The following ATP11A variants were observed in gnomAD, a reference collection of about 807,000 sequenced individuals.
ATP11A encodes ATPase phospholipid transporting 11A, also known as phospholipid-transporting ATPase IH.
In ATP11A, 81 loss-of-function variants were observed where a neutral mutation model predicts 154.4. That is an observed-to-expected ratio of 0.52 (90% CI 0.44 to 0.63). The LOEUF is 0.63. ATP11A is among the 30% of genes least tolerant of loss of function. The probability of loss-of-function intolerance (pLI) is 0.00; values close to 1 mark genes in which losing one functional copy is unlikely to be tolerated. For missense variants in ATP11A, 1,316 were observed against 1,474.3 expected (o/e 0.89, Z 1.76); for synonymous variants, 623 against 585.9 (o/e 1.06, Z -0.91).
rs1233055752 is a variant in ATP11A at position 112,881,282 on chromosome 13, C to T, written c.*10-594C>T. On this transcript the variant is annotated intron_variant, in intron 29 of 29. Transcript: ENST00000375645. ...CACATCCGGGGCCCCAGTGGGCTGT[C>T]AGAAGCCATGCAGGCCCCATCCGTA... 3 of 993,842 alleles carry T rather than the reference C, an allele frequency of 3.0e-6. No individual in the cohort carries two copies. In the East Asian group the frequency reaches 3.3e-4, roughly 109 times the overall value. The allele number at this position is 993,842 out of a possible 1,614,324, so 61.6% of individuals were successfully genotyped here.
chr13:112,690,516 C>A lies in ATP11A; in HGVS notation c.39+61C>A. On this transcript the variant is annotated intron_variant, in intron 1 of 29. Coordinates refer to ENST00000375645, the MANE Select transcript of ATP11A (RefSeq NM_015205.3). The surrounding 1 kb of genome is among the most constrained non-coding windows in gnomAD (Gnocchi z 5.6). ...ACCAGACAGACGCGGGCCGGCCCCG[C>A]AGCCCGGACCCTGTGGCCGGTCCAG... 7.9e-7 allele frequency: 1 copy of A among 1,261,720 alleles called. No homozygotes were observed. Among genetic ancestry groups the A allele is most frequent in the South Asian group, 2.9e-5 (1 of 34,688 alleles). The allele number at this position is 1,261,720 out of a possible 1,614,324, so 78.2% of individuals were successfully genotyped here.
At chr13:112,881,647 G>C in intron 29 of ATP11A, 2 of 1,197,280 alleles carry the variant, frequency 1.7e-6, no homozygotes, top group Non-Finnish European at 2.1e-6. Flanking sequence ...CTTCTCTGGT[G>C]GGGTGGATCC....
At chr13:112,701,592 G>A (rs1351130133) in intron 1 of ATP11A, among the ~76,000 whole-genome samples, 2 of 152,156 alleles carry the variant, frequency 1.3e-5, no homozygotes, top group African/African-American at 4.8e-5. Context: ...CAGCACTTTG[G>A]GAGGCCGAGG....
In ATP11A at chr13:112,873,600, T is replaced by C. The variant is rs776846461; in HGVS notation, c.3085T>C (p.Trp1029Arg). The change falls in exon 27 of 30, where the codon TGG becomes CGG. Residue 1029 changes from tryptophan to arginine, a missense_variant. Trp to Arg is a moderately radical substitution (Grantham distance 101). This residue lies in a region of ATP11A where 294 missense variants were observed against 290.2 expected (regional missense o/e 1.01). Coordinates refer to ENST00000375645, the MANE Select transcript of ATP11A (RefSeq NM_015205.3). ...TGCATTGGACACACACTACTGGACT[T>C]GGATCAACCATTTTGTCATCTGGGG... ...KLALDTHYWTWINHFVIWGSL... is the reference protein window; with the variant it reads ...KLALDTHYWTRINHFVIWGSL... 13 of 1,612,668 alleles carry C rather than the reference T, an allele frequency of 8.1e-6. No homozygotes were observed. The Admixed American group carries it at 2.2e-4, about 27-fold the overall frequency.
At chr13:112,821,345 C>T (rs1016897654) in intron 8 of ATP11A, among the ~76,000 whole-genome samples, 3 of 152,124 alleles carry the variant, frequency 2.0e-5, no homozygotes, top group Admixed American at 6.5e-5. Flanking sequence ...GACAGAGTCT[C>T]GCTCTGTCAC....
chr13:112,792,541 T>C lies in ATP11A; in HGVS notation c.162+7284T>C, dbSNP rs559507985. ...AATCAAAGGATGAAAGCCTTTGTCA[T>C]GGAAGAAGTCGTAATAGAGGATGAA... On this transcript the variant is annotated intron_variant, in intron 2 of 29. Coordinates refer to ENST00000375645, the MANE Select transcript of ATP11A (RefSeq NM_015205.3). Among the ~76,000 whole-genome samples, 28 of 152,350 alleles carry C rather than the reference T, an allele frequency of 1.8e-4. 1 individual carries two copies. Among genetic ancestry groups the C allele is most frequent in the African/African-American group, 6.5e-4 (27 of 41,584 alleles).
intron 1 of ATP11A, among the ~76,000 whole-genome samples, chr13:112,694,765 A>G (rs1484266072): frequency 6.6e-6 from 1 of 152,150 alleles, no homozygotes; most frequent in East Asian, 1.9e-4. Flanking sequence ...TTAACATTCT[A>G]AGATAGAAAA....
At chr13:112,771,714 C>T (rs1347641749) in intron 1 of ATP11A, among the ~76,000 whole-genome samples, 1 of 152,238 alleles carries the variant, frequency 6.6e-6, no homozygotes, top group African/African-American at 2.4e-5. Context: ...CTTCCCGTCA[C>T]TCGGGTAGTC....
At chr13:112,718,021 A>G (rs1888682431) in intron 1 of ATP11A, among the ~76,000 whole-genome samples, 1 of 152,240 alleles carries the variant, frequency 6.6e-6, no homozygotes, top group African/African-American at 2.4e-5. Context: ...GGTTGCAGTG[A>G]GCCAAGATTG....
intron 12 of ATP11A, among the ~76,000 whole-genome samples, chr13:112,828,378 A>T (rs1462790448): frequency 7.4e-6 from 1 of 135,118 alleles, no homozygotes; most frequent in African/African-American, 2.9e-5. Context: ...TAGGAGGGAA[A>T]GTGCCCAGTG....
At chr13:112,852,785 C>T (rs2317143) in intron 18 of ATP11A, among the ~76,000 whole-genome samples, 5 of 131,020 alleles carry the variant, frequency 3.8e-5, no homozygotes, top group African/African-American at 1.3e-4. Context: ...GCCTGGTTGG[C>T]GGGGGGGGAT....
intron 17 of ATP11A, among the ~76,000 whole-genome samples, chr13:112,847,852 G>A (rs529244280): frequency 6.6e-6 from 1 of 152,218 alleles, no homozygotes; most frequent in Non-Finnish European, 1.5e-5. Flanking sequence ...TTGGGAGGCT[G>A]AGGCATAAGG....
At chr13:112,707,308 A>G (rs1468079054) in intron 1 of ATP11A, among the ~76,000 whole-genome samples, 11 of 151,790 alleles carry the variant, frequency 7.2e-5, no homozygotes, top group Non-Finnish European at 1.0e-4. Context: ...CCACCTACTC[A>G]GGAGGCTGAG....
chr13:112,754,892 C>T lies in ATP11A; in HGVS notation c.40-30243C>T, dbSNP rs2076781073. 6.6e-6 allele frequency among the ~76,000 whole-genome samples: 1 copy of T among 152,252 alleles called. No homozygotes were observed. Among genetic ancestry groups the T allele is most frequent in the East Asian group, 1.9e-4 (1 of 5,188 alleles). On this transcript the variant is annotated intron_variant, in intron 1 of 29. Coordinates refer to ENST00000375645, the MANE Select transcript of ATP11A (RefSeq NM_015205.3). This position sits in a 1 kb window ranked among gnomAD's most constrained non-coding sequence, Gnocchi z 5.3. ...CGGCCCCACTGCAGGGCTTCCCCAG[C>T]CCTCCTAGACACCCTGCACTTGCCC...
At chr13:112,736,300 G>A (rs1890996808) in intron 1 of ATP11A, among the ~76,000 whole-genome samples, 1 of 152,210 alleles carries the variant, frequency 6.6e-6, no homozygotes, top group African/African-American at 2.4e-5. Context: ...CATGGGAGTT[G>A]CATGATGATC....
chr13:112,715,914 A>ATCCCG (rs1888411480), intron 1 of ATP11A, among the ~76,000 whole-genome samples: 1 of 151,792 alleles, frequency 6.6e-6, no homozygotes, highest in Admixed American at 6.6e-5. Context: ...ATCCGATCCC[A>ATCCCG]TTCCTTTCCC....
Position 112,757,588 on chromosome 13 carries a change from G to A in ATP11A, c.40-27547G>A, listed in dbSNP as rs975198196. Among the ~76,000 whole-genome samples, 11 of 152,250 alleles carry A rather than the reference G, an allele frequency of 7.2e-5. No homozygotes were observed. In the East Asian group the frequency reaches 7.7e-4, roughly 11 times the overall value. ...CGGGAAAAGCAGGAGGTCCCCTCAC[G>A]GAGGTGGACAGGACGCCCACTCCTT... On this transcript the variant is annotated intron_variant, in intron 1 of 29. Transcript: ENST00000375645.
At chr13:112,695,608 T>C (rs561001660) in intron 1 of ATP11A, among the ~76,000 whole-genome samples, 1 of 152,340 alleles carries the variant, frequency 6.6e-6, no homozygotes, top group African/African-American at 2.4e-5. Context: ...GGTTTGGCTA[T>C]AGTCAGCTAA....
At position 112,882,769 on chromosome 13, in the gene ATP11A, G is replaced by A. The variant is rs974056635; in HGVS notation, c.*903G>A. Reference sequence around the variant, plus strand: ...CACGGAGCCGTCAGTCCACTGTTACGGGAGAATGTTGATTTCGCGGGTGCG... The same window carrying A: ...CACGGAGCCGTCAGTCCACTGTTACAGGAGAATGTTGATTTCGCGGGTGCG... On this transcript the variant is annotated 3_prime_UTR_variant, in exon 30 of 30. Coordinates refer to ENST00000375645, the MANE Select transcript of ATP11A (RefSeq NM_015205.3). The surrounding 1 kb of genome is among the most constrained non-coding windows in gnomAD (Gnocchi z 5.1). 6 of 399,302 alleles carry A rather than the reference G, an allele frequency of 1.5e-5. No homozygotes were observed. Among genetic ancestry groups the A allele is most frequent in the South Asian group, 1.3e-4 (1 of 7,874 alleles). 24.7% of individuals were successfully genotyped at this position (399,302 alleles called of 1,614,324 possible). A position where few individuals can be genotyped will look rare whatever the true frequency, so the allele number is the denominator to read the frequency against.
Sources: allele counts gnomAD v4.1 joint callset (sites outside exome capture counted in the v4.1 genomes callset), GRCh38; gene constraint gnomAD v4.1.1; regional missense constraint gnomAD v4.1.1; non-coding constraint Gnocchi (gnomAD v3.1); transcripts MANE v1.5; gene names NCBI Gene and HGNC (gene_info 2026-07-23, HGNC 2026-07-21).